TRIO: variants seen among roughly 807,000 people sequenced by gnomAD.
The protein encoded by TRIO is trio Rho guanine nucleotide exchange factor.
Under a neutral mutation model 351.9 loss-of-function variants are expected in TRIO, and 58 were observed. That is an observed-to-expected ratio of 0.16 (90% CI 0.13 to 0.21). TRIO has a LOEUF of 0.21. Ranked by LOEUF, TRIO falls within the 10% of genes least tolerant of loss-of-function variation. TRIO has a pLI of 1.00. For missense variants in TRIO, 3,201 were observed against 4,027.8 expected (o/e 0.79, Z 5.56); for synonymous variants, 1,758 against 1,595.7 (o/e 1.10, Z -2.42).
intron 1 of TRIO, among the ~76,000 whole-genome samples, chr5:14,208,606 T>G (rs533662386): frequency 6.6e-6 from 1 of 152,364 alleles, no homozygotes; most frequent in South Asian, 2.1e-4. Context: ...CTTTGAGTCC[T>G]TATGTAAGCA....
At chr5:14,409,690 C>T (rs1021251572) in intron 33 of TRIO, among the ~76,000 whole-genome samples, 3 of 151,940 alleles carry the variant, frequency 2.0e-5, no homozygotes, top group African/African-American at 4.8e-5. Flanking sequence ...AAAAATTAGT[C>T]GAGCGTGGTG....
intron 1 of TRIO, among the ~76,000 whole-genome samples, chr5:14,233,749 A>G (rs1793608989): frequency 7.1e-6 from 1 of 140,578 alleles, no homozygotes. Context: ...TATGTTGCCC[A>G]GGCTATTTTT....
intron 11 of TRIO, among the ~76,000 whole-genome samples, chr5:14,345,554 G>A (rs566445177): frequency 5.3e-4 from 80 of 152,290 alleles, no homozygotes; most frequent in African/African-American, 1.8e-3. Flanking sequence ...GGAAATAGGC[G>A]TACATGAATA....
intron 18 of TRIO, among the ~76,000 whole-genome samples, chr5:14,373,235 A>C (rs1274307487): frequency 6.6e-6 from 1 of 152,240 alleles, no homozygotes; most frequent in East Asian, 1.9e-4. Context: ...GTGGGAACAC[A>C]GAGCCAGGCC....
chr5:14,149,169 G>C (rs1581231970), intron 1 of TRIO, among the ~76,000 whole-genome samples: 2 of 152,118 alleles, frequency 1.3e-5, no homozygotes, highest in East Asian at 1.9e-4. Flanking sequence ...TGGACCCCTG[G>C]TCTCCTCCCC....
At chr5:14,288,705 C>T (rs1340386487) in intron 4 of TRIO, among the ~76,000 whole-genome samples, 1 of 151,598 alleles carries the variant, frequency 6.6e-6, no homozygotes, top group Non-Finnish European at 1.5e-5. Flanking sequence ...GAGGAATGGG[C>T]CTATGGTAGG....
chr5:14,505,508 G>T (rs1265589870), intron 55 of TRIO, among the ~76,000 whole-genome samples: 1 of 152,228 alleles, frequency 6.6e-6, no homozygotes, highest in Non-Finnish European at 1.5e-5. Flanking sequence ...GGAAGGATAG[G>T]ATTAGCAGGG....
chr5:14,429,573 A>AC (rs2152396300), intron 34 of TRIO, among the ~76,000 whole-genome samples: 1 of 152,344 alleles, frequency 6.6e-6, no homozygotes. Context: ...CAGAAAATGC[A>AC]CATAGGCACA....
chr5:14,154,721 G>C (rs1361533408), intron 1 of TRIO, among the ~76,000 whole-genome samples: 1 of 152,164 alleles, frequency 6.6e-6, no homozygotes, highest in Non-Finnish European at 1.5e-5. Context: ...GTTTTTCTGT[G>C]TGACTCCACG....
intron 8 of TRIO, among the ~76,000 whole-genome samples, chr5:14,305,924 G>C (rs1387014980): frequency 6.6e-6 from 1 of 152,164 alleles, no homozygotes; most frequent in Non-Finnish European, 1.5e-5. Context: ...TGGTACAGTT[G>C]CCTACAGTAT....
chr5:14,301,276 A>C (rs994444402), intron 7 of TRIO, among the ~76,000 whole-genome samples: 3 of 152,014 alleles, frequency 2.0e-5, no homozygotes, highest in African/African-American at 7.2e-5. Context: ...CACTTTCTTA[A>C]TACGACCATT....
intron 11 of TRIO, among the ~76,000 whole-genome samples, chr5:14,353,595 A>C (rs1241390308): frequency 6.6e-6 from 1 of 152,152 alleles, no homozygotes; most frequent in Non-Finnish European, 1.5e-5. Context: ...CATTATTACC[A>C]TGCCCATTTT....
chr5:14,438,822 G>A (rs191070983), intron 34 of TRIO, among the ~76,000 whole-genome samples: 119 of 152,270 alleles, frequency 7.8e-4, no homozygotes, highest in African/African-American at 2.7e-3. Flanking sequence ...TCAGGTTGTC[G>A]CCCTTCAGGG....
At chr5:14,368,615 C>G in intron 16 of TRIO, 93 bp from the exon 17 acceptor site, 1 of 1,368,986 alleles carries the variant, frequency 7.3e-7, no homozygotes, top group Non-Finnish European at 1.0e-6. Context: ...TCCACAAAAT[C>G]ATGAAGAACA....
intron 33 of TRIO, among the ~76,000 whole-genome samples, chr5:14,413,794 A>T (rs1207358626): frequency 6.6e-6 from 1 of 152,206 alleles, no homozygotes; most frequent in Non-Finnish European, 1.5e-5. Context: ...AGCACTGAAA[A>T]GTGCTATTTA....
At position 14,406,623 on chromosome 5, in the gene TRIO, C is replaced by T. The variant is rs755765988; in HGVS notation, c.4910C>T (p.Thr1637Met). 5.6e-6 allele frequency: 9 copies of T among 1,614,090 alleles called. No individual in the cohort carries two copies. In the Admixed American group the frequency reaches 6.7e-5, roughly 12 times the overall value. ...SQGDGSSQPD[T>M]ISIASRTSQN... ...GGAGACGGCAGCAGCCAGCCTGATA[C>T]GATTTCCATCGCCTCACGGACGTCT... The change falls in exon 33 of 57, where the codon ACG (threonine) becomes ATG (methionine). Residue 1637 changes from threonine to methionine, a missense_variant. Coordinates refer to ENST00000344204, the MANE Select transcript of TRIO (RefSeq NM_007118.4).
chr5:14,143,457 C>T lies in TRIO; in HGVS notation c.-269C>T, dbSNP rs1022244119. 1.0e-4 allele frequency among the ~76,000 whole-genome samples: 15 copies of T among 148,994 alleles called. No homozygotes were observed. Among genetic ancestry groups the T allele is most frequent in the Non-Finnish European group, 2.2e-4 (15 of 66,906 alleles). On this transcript the variant is annotated 5_prime_UTR_variant, in exon 1 of 57. Transcript: ENST00000344204. ...CGTCCGGGAGGCGCGTGCTGCTGCCCGCGCTCCGGCCGGCGCCCGGGAGGC... is the reference window on the plus strand; with the variant it reads ...CGTCCGGGAGGCGCGTGCTGCTGCCTGCGCTCCGGCCGGCGCCCGGGAGGC...
At chr5:14,488,378 C>T in intron 48 of TRIO, 118 bp downstream of exon 48, 4 of 1,419,188 alleles carry the variant, frequency 2.8e-6, no homozygotes, top group East Asian at 2.5e-5. Context: ...CCGCCCGTTG[C>T]GGCCTCTACC....
At chr5:14,379,429 A>G (rs1745873527) in intron 20 of TRIO, among the ~76,000 whole-genome samples, 1 of 152,234 alleles carries the variant, frequency 6.6e-6, no homozygotes, top group Admixed American at 6.5e-5. Context: ...CTCAGTTCCC[A>G]GAGTTAGATG....
Sources: allele counts gnomAD v4.1 joint callset (sites outside exome capture counted in the v4.1 genomes callset), GRCh38; gene constraint gnomAD v4.1.1; transcripts MANE v1.5; gene names NCBI Gene and HGNC (gene_info 2026-07-23, HGNC 2026-07-21).